Variants in DPH6 observed in about 807,000 individuals in gnomAD.
DPH6 encodes diphthine--ammonia ligase.
A neutral mutation model predicts 38.2 loss-of-function variants in DPH6; 33 were observed. The observed-to-expected ratio is 0.86, with a 90% CI of 0.65 to 1.15. DPH6 has a LOEUF of 1.15. Among genes scored for constraint, DPH6 ranks in the 50% most tolerant of loss-of-function variants. DPH6 has a pLI of 0.00. For missense variants in DPH6, 325 were observed against 320.0 expected, an observed-to-expected ratio of 1.02 and a Z score of -0.12; for synonymous variants, 108 against 103.0, an observed-to-expected ratio of 1.05 and a Z score of -0.30.
intron 3 of DPH6, among the ~76,000 whole-genome samples, chr15:35,343,601 C>G (rs2052439251): frequency 6.6e-6 from 1 of 151,950 alleles, no homozygotes. Flanking sequence ...ATAAATGTGG[C>G]AATGAATAGA....
chr15:35,516,876 C>T (rs1050799845), intron 3 of DPH6, among the ~76,000 whole-genome samples: 2 of 151,996 alleles, frequency 1.3e-5, no homozygotes, highest in Non-Finnish European at 2.9e-5. Flanking sequence ...ATACCTACAC[C>T]TTTATTTGTA....
Position 35,519,061 on chromosome 15 carries a change from T to C in DPH6, c.312+19213A>G. ...AAACTTAATCCATAACATTTTTCTCTTCTAATCATATCTAAATATGATTCC... is the reference window on the plus strand; with the variant it reads ...AAACTTAATCCATAACATTTTTCTCCTCTAATCATATCTAAATATGATTCC... On this transcript the variant is annotated intron_variant, in intron 3 of 8. Coordinates refer to ENST00000256538, the MANE Select transcript of DPH6 (RefSeq NM_080650.4). 2 of 151,936 alleles carry C rather than the reference T, an allele frequency of 1.3e-5. 1 individual carries two copies. The allele number at this position is 151,936 out of a possible 1,614,324, so 9.4% of individuals were successfully genotyped here. A position where few individuals can be genotyped will look rare whatever the true frequency, so the allele number is the denominator to read the frequency against.
At chr15:35,307,109 A>G (rs2052098432) in intron 3 of DPH6, among the ~76,000 whole-genome samples, 1 of 152,156 alleles carries the variant, frequency 6.6e-6, no homozygotes, top group Non-Finnish European at 1.5e-5. Flanking sequence ...TATTTACATT[A>G]AATTGTTTCC....
chr15:35,324,130 T>C (rs1296882616), intron 3 of DPH6, among the ~76,000 whole-genome samples: 3 of 152,130 alleles, frequency 2.0e-5, no homozygotes, highest in African/African-American at 7.2e-5. Flanking sequence ...TAATAGTACA[T>C]AATTCAGGGT....
intron 3 of DPH6, among the ~76,000 whole-genome samples, chr15:35,537,848 T>C (rs1240939516): frequency 1.3e-5 from 2 of 152,120 alleles, no homozygotes; most frequent in East Asian, 1.9e-4. Flanking sequence ...TTATTGTCTG[T>C]CCTCTTCCAC....
At chr15:35,193,028 C>T in the DPH6 span, among the ~76,000 whole-genome samples, 3 of 152,116 alleles carry the variant, frequency 2.0e-5, no homozygotes, top group Admixed American at 2.0e-4. Flanking sequence ...GAATTATATT[C>T]AAAGTTCTAA....
At chr15:35,213,956 C>T (rs1257021868), downstream of DPH6, among the ~76,000 whole-genome samples, 3 of 152,066 alleles carry the variant, frequency 2.0e-5, no homozygotes, top group African/African-American at 7.2e-5. Context: ...ATTAAAAATA[C>T]AAAAAATTAG....
chr15:35,532,318 G>T (rs2055100202), intron 3 of DPH6, among the ~76,000 whole-genome samples: 1 of 152,196 alleles, frequency 6.6e-6, no homozygotes, highest in Non-Finnish European at 1.5e-5. Context: ...GGTAGACGAG[G>T]TGGATGGAGC....
At chr15:35,257,966 T>C (rs1043247463) in intron 3 of DPH6, among the ~76,000 whole-genome samples, 1 of 152,176 alleles carries the variant, frequency 6.6e-6, no homozygotes, top group African/African-American at 2.4e-5. Flanking sequence ...CACCATTCCA[T>C]AGAACTTCTC....
the DPH6 span, among the ~76,000 whole-genome samples, chr15:35,177,428 T>A: frequency 1.3e-5 from 2 of 150,496 alleles, no homozygotes; most frequent in African/African-American, 2.4e-5. Context: ...ATAATAATAA[T>A]AATAAAAATT....
At chr15:35,530,603 G>C (rs1161242826) in intron 3 of DPH6, among the ~76,000 whole-genome samples, 1 of 152,286 alleles carries the variant, frequency 6.6e-6, no homozygotes, top group Non-Finnish European at 1.5e-5. Context: ...CTGATACCAA[G>C]TGGAGAAAAG....
chr15:35,360,735 G>A (rs557572979), intron 3 of DPH6, among the ~76,000 whole-genome samples: 2 of 152,230 alleles, frequency 1.3e-5, no homozygotes, highest in African/African-American at 4.8e-5. Context: ...TGGCAGGACT[G>A]TCTCTGGGCT....
At position 35,542,921 on chromosome 15, in the gene DPH6, TAATA is replaced by T. The variant is rs1319373973; in HGVS notation, c.24-418_24-415del. ...TATTATTCCACTTAAGGAATATATATAATATATATTATTCCACTTAAGGAATATA... is the reference window on the plus strand; with the variant it reads ...TATTATTCCACTTAAGGAATATATATTATATTATTCCACTTAAGGAATATA... On this transcript the variant is annotated intron_variant, in intron 1 of 8. Coordinates refer to ENST00000256538, the MANE Select transcript of DPH6 (RefSeq NM_080650.4). Among the ~76,000 whole-genome samples, 9 of 110,928 alleles carry T rather than the reference TAATA, an allele frequency of 8.1e-5. No homozygotes were observed. In the Admixed American group the frequency reaches 1.0e-3, roughly 12 times the overall value. 72.8% of individuals were successfully genotyped at this position (110,928 alleles called of 152,430 possible).
At chr15:35,341,910 G>C (rs1441176573) in intron 3 of DPH6, among the ~76,000 whole-genome samples, 2 of 152,124 alleles carry the variant, frequency 1.3e-5, no homozygotes, top group African/African-American at 2.4e-5. Context: ...TGCTGCACTG[G>C]GGGGCACCCT....
chr15:35,256,049 C>T (rs2622755), intron 3 of DPH6, among the ~76,000 whole-genome samples: 98,574 of 151,754 alleles, frequency 0.65, 32,785 homozygotes, highest in Non-Finnish European at 0.73. Flanking sequence ...AATAAACTTA[C>T]AGATTTACAG....
At chr15:35,148,869 T>C in the DPH6 span, among the ~76,000 whole-genome samples, 1 of 152,198 alleles carries the variant, frequency 6.6e-6, no homozygotes, top group Admixed American at 6.5e-5. Flanking sequence ...CCAATGAGTA[T>C]TAATGTGCAT....
chr15:35,151,256 ATTG>A, the DPH6 span, among the ~76,000 whole-genome samples: 1 of 151,704 alleles, frequency 6.6e-6, no homozygotes, highest in Admixed American at 6.6e-5. Flanking sequence ...GGTCTACAGT[ATTG>A]TTTTTAAAAT....
intron 3 of DPH6, among the ~76,000 whole-genome samples, chr15:35,517,562 C>A (rs559704479): frequency 1.3e-5 from 2 of 151,970 alleles, no homozygotes; most frequent in African/African-American, 4.8e-5. Context: ...AGAATTTGTA[C>A]CTTTTCATTT....
chr15:35,195,223 C>A, the DPH6 span, among the ~76,000 whole-genome samples: 5 of 152,168 alleles, frequency 3.3e-5, no homozygotes, highest in African/African-American at 1.2e-4. Context: ...TCAGTTCCAT[C>A]CATGTGGCTA....
Sources: allele counts gnomAD v4.1 joint callset (sites outside exome capture counted in the v4.1 genomes callset), GRCh38; gene constraint gnomAD v4.1.1; transcripts MANE v1.5; gene names NCBI Gene and HGNC (gene_info 2026-07-23, HGNC 2026-07-21).